TARDBP: variants seen among roughly 807,000 people sequenced by gnomAD.
TARDBP encodes the protein TAR DNA binding protein.
Under a neutral mutation model 38.3 loss-of-function variants are expected in TARDBP, and 4 were observed. That is an observed-to-expected ratio of 0.10 (90% CI 0.05 to 0.24). The LOEUF (loss-of-function observed/expected upper bound fraction) is 0.24. TARDBP is among the 10% of genes least tolerant of loss of function. The probability of loss-of-function intolerance (pLI) is 1.00; values close to 1 mark genes in which losing one functional copy is unlikely to be tolerated. For missense variants in TARDBP, 202 were observed against 521.9 expected (o/e 0.39, Z 5.97); for synonymous variants, 184 against 183.8 (o/e 1.00, Z -0.01).
chr1:11,018,341 A>AAT (rs138627759), intron 3 of TARDBP: 5 of 288,050 alleles, frequency 1.7e-5, no homozygotes, highest in Admixed American at 9.8e-5. Context: ...GGTGCATGCC[A>AAT]CTACACCTGG....
At chr1:11,029,305 T>G (rs1475608378), downstream of TARDBP, among the ~76,000 whole-genome samples, 1 of 151,060 alleles carries the variant, frequency 6.6e-6, no homozygotes. Context: ...TGGCCCTGAT[T>G]TGTTTTTTTA....
intron 2 of TARDBP, 146 bp downstream of exon 2, chr1:11,014,111 C>T: frequency 1.2e-6 from 1 of 836,136 alleles, no homozygotes; most frequent in East Asian, 2.4e-5. Flanking sequence ...GTTTGGAAGA[C>T]CACGAGTCTA....
rs1643686639 is a variant in TARDBP, at chr1:11,023,959, T to C, written c.*1305T>C. ...GTTAGCTACCCATAAGAATGCTGTTTGCTGCAGTTCTGTGTCCTGTGCTTG... is the reference window on the plus strand; with the variant it reads ...GTTAGCTACCCATAAGAATGCTGTTCGCTGCAGTTCTGTGTCCTGTGCTTG... On this transcript the variant is annotated 3_prime_UTR_variant, in exon 6 of 6. Coordinates refer to ENST00000240185, the MANE Select transcript of TARDBP (RefSeq NM_007375.4). 1 of 152,682 alleles carries C rather than the reference T, an allele frequency of 6.5e-6. No homozygotes were observed. The highest frequency in any genetic ancestry group is 1.5e-5 in the Non-Finnish European group (1 of 68,056). The allele number at this position is 152,682 out of a possible 1,614,324, so 9.5% of individuals were successfully genotyped here. A position where few individuals can be genotyped will look rare whatever the true frequency, so the allele number is the denominator to read the frequency against.
At chr1:11,018,546 CTGT>C (rs1345405186) in intron 3 of TARDBP, 184 bp from the exon 4 acceptor site, 24 of 748,840 alleles carry the variant, frequency 3.2e-5, no homozygotes, top group South Asian at 8.6e-5. Context: ...GAGTTTTGCT[CTGT>C]TGTTAACACA....
At chr1:11,019,060 T>A in intron 4 of TARDBP, 187 bp downstream of exon 4, 1 of 731,816 alleles carries the variant, frequency 1.4e-6, no homozygotes. Flanking sequence ...TTTAGTTTAT[T>A]ACTTCTCCAA....
downstream of TARDBP, chr1:11,027,566 G>A: frequency 2.5e-6 from 4 of 1,614,156 alleles, no homozygotes; most frequent in Non-Finnish European, 3.4e-6. Context: ...CTAATATCAG[G>A]ACTTGCCAAG....
chr1:11,016,337 G>A lies in TARDBP; in HGVS notation c.239-507G>A, dbSNP rs141560190. ...TCTGTTGCCCAGGCATATTGCAGTG[G>A]CTATTCATAGGCACACTGCAGCCTC... is the stretch of plus-strand genomic sequence containing the variant. On this transcript the variant is annotated intron_variant, in intron 2 of 5. Coordinates refer to ENST00000240185, the MANE Select transcript of TARDBP (RefSeq NM_007375.4). 2.2e-3 allele frequency: 358 copies of A among 160,354 alleles called. 1 individual carries two copies. The highest frequency in any genetic ancestry group is 4.1e-3 in the Non-Finnish European group (301 of 72,900). The allele number at this position is 160,354 out of a possible 1,614,324, so 9.9% of individuals were successfully genotyped here.
At position 11,020,414 on chromosome 1, in the gene TARDBP, T is replaced by C. The variant is rs753859058; in HGVS notation, c.544-15T>C. 46 of 1,613,986 alleles carry C rather than the reference T, an allele frequency of 2.9e-5. No individual in the cohort carries two copies. Among genetic ancestry groups the C allele is most frequent in the Admixed American group, 5.0e-5 (3 of 59,988 alleles). On this transcript the variant is annotated splice_polypyrimidine_tract_variant and intron_variant, in intron 4 of 5. Coordinates refer to ENST00000240185, the MANE Select transcript of TARDBP (RefSeq NM_007375.4). ...ACATATTTCTGAGTTTTTTTCTTCC[T>C]TTTGATTTGATCAGCAAAGCCAAGA...
rs778322559 is a variant in TARDBP at position 11,016,867 on chromosome 1, A to G, written c.262A>G (p.Thr88Ala). The stretch of plus-strand genomic sequence containing the variant: ...AGATAACAAAAGAAAAATGGATGAG[A>G]CAGATGCTTCATCAGCAGTGAAAGT... ...PKDNKRKMDE[T>A]DASSAVKVKR... is the part of the protein sequence containing the mutation. The change falls in exon 3 of 6, where the codon ACA (threonine) becomes GCA (alanine). Residue 88 changes from threonine to alanine, a missense_variant. Thr to Ala is a moderately conservative substitution (Grantham distance 58). This residue lies in a region of TARDBP where 71 missense variants were observed against 185.4 expected (regional missense o/e 0.38). Coordinates refer to ENST00000240185, the MANE Select transcript of TARDBP (RefSeq NM_007375.4). 3 of 1,614,184 alleles carry G rather than the reference A, an allele frequency of 1.9e-6. No homozygotes were observed. In the South Asian group the frequency reaches 3.3e-5, roughly 18 times the overall value.
chr1:11,028,112 C>A (rs1347528740), downstream of TARDBP, among the ~76,000 whole-genome samples: 4 of 151,928 alleles, frequency 2.6e-5, no homozygotes, highest in Non-Finnish European at 4.4e-5. Context: ...ATCCCAGCCA[C>A]TTGGGAGGCT....
At chr1:11,017,081 T>C (rs992144906) in intron 3 of TARDBP, 74 bp downstream of exon 3, 2 of 1,514,852 alleles carry the variant, frequency 1.3e-6, no homozygotes, top group Non-Finnish European at 1.8e-6. Flanking sequence ...TTGGTATAAA[T>C]AGAGATGGGG....
rs140750299 is a variant in TARDBP, at chr1:11,014,666, C to T, written c.238+701C>T. 1.1e-3 allele frequency among the ~76,000 whole-genome samples: 167 copies of T among 152,252 alleles called. 1 individual carries two copies. Among genetic ancestry groups the T allele is most frequent in the African/African-American group, 3.8e-3 (156 of 41,536 alleles). On this transcript the variant is annotated intron_variant, in intron 2 of 5. Coordinates refer to ENST00000240185, the MANE Select transcript of TARDBP (RefSeq NM_007375.4). ...TCTAGGAAAACTTTAGGGCTAGGCACGGTGACTCATGCCTGTAATCCCAGC... is the reference window on the plus strand; with the variant it reads ...TCTAGGAAAACTTTAGGGCTAGGCATGGTGACTCATGCCTGTAATCCCAGC...
chr1:11,013,703 C>G lies in TARDBP; in HGVS notation c.-12-13C>G. 3 of 1,575,586 alleles carry G rather than the reference C, an allele frequency of 1.9e-6. No individual in the cohort carries two copies. The highest frequency in any genetic ancestry group is 2.6e-6 in the Non-Finnish European group (3 of 1,153,462). On this transcript the variant is annotated splice_polypyrimidine_tract_variant and intron_variant, in intron 1 of 5. Coordinates refer to ENST00000240185, the MANE Select transcript of TARDBP (RefSeq NM_007375.4). ...ACATGAATGTTGTTCATTCATATCT[C>G]TTTTCTCTTTAGGAAAAGTAAAAGA... is the stretch of plus-strand genomic sequence containing the variant.
chr1:11,017,096 A>G (rs1643538380), intron 3 of TARDBP, 89 bp downstream of exon 3: 1 of 1,417,064 alleles, frequency 7.1e-7, no homozygotes, highest in East Asian at 2.3e-5. Context: ...ATGGGGTATC[A>G]CTATGTTCCC....
At chr1:11,030,129 C>T (rs750792086), downstream of TARDBP, 5 of 1,399,272 alleles carry the variant, frequency 3.6e-6, no homozygotes, top group Admixed American at 1.8e-5. Context: ...CCTACCCAGT[C>T]CTCCTTTCCA....
Position 11,016,908 on chromosome 1 carries a change from G to A in TARDBP, c.303G>A (p.Gln101=). ...SSAVKVKRAV[Q]KTSDLIVLGL... is the part of the protein sequence containing the mutation. ...CAGTGAAAGTGAAAAGAGCAGTCCA[G>A]AAAACATCCGATTTAATAGTGTTGG... Residue 101 remains glutamine, a synonymous_variant, in exon 3 of 6, where the codon CAG becomes CAA. Coordinates refer to ENST00000240185, the MANE Select transcript of TARDBP (RefSeq NM_007375.4). 6.2e-7 allele frequency: 1 copy of A among 1,614,212 alleles called. No individual in the cohort carries two copies. The highest frequency in any genetic ancestry group is 8.5e-7 in the Non-Finnish European group (1 of 1,180,042).
At chr1:11,029,357 C>T (rs541690716), downstream of TARDBP, among the ~76,000 whole-genome samples, 196 of 150,572 alleles carry the variant, frequency 1.3e-3, 2 homozygotes, top group African/African-American at 4.5e-3. Context: ...GCCGAGATTG[C>T]GCCACTGCAC....
rs780132467 is a variant in TARDBP at position 11,018,883 on chromosome 1, T to C, written c.543+10T>C. 1 of 1,614,024 alleles carries C rather than the reference T, an allele frequency of 6.2e-7. No homozygotes were observed. The highest frequency in any genetic ancestry group is 8.5e-7 in the Non-Finnish European group (1 of 1,180,022). ...ACTTCCTAATTCTAAGGTACTTGCG[T>C]CTGTGCTTTGGGAATTTTTGCCAAC... On this transcript the variant is annotated intron_variant, in intron 4 of 5. Coordinates refer to ENST00000240185, the MANE Select transcript of TARDBP (RefSeq NM_007375.4).
At position 11,024,119 on chromosome 1, in the gene TARDBP, T is replaced by C. The variant is rs1264532773; in HGVS notation, c.*1465T>C. ...TTCCCCTTTTTTGACCCTTTTGAGATGGAACTTTCATAAAGTTTCTTGGCA... is the reference window on the plus strand; with the variant it reads ...TTCCCCTTTTTTGACCCTTTTGAGACGGAACTTTCATAAAGTTTCTTGGCA... On this transcript the variant is annotated 3_prime_UTR_variant, in exon 6 of 6. Coordinates refer to ENST00000240185, the MANE Select transcript of TARDBP (RefSeq NM_007375.4). The C allele has an allele frequency of 6.6e-6, 1 of 152,626 alleles. No individual in the cohort carries two copies. The highest frequency in any genetic ancestry group is 1.9e-4 in the East Asian group (1 of 5,202). 9.5% of individuals were successfully genotyped at this position (152,626 alleles called of 1,614,324 possible).
Sources: allele counts gnomAD v4.1 joint callset (sites outside exome capture counted in the v4.1 genomes callset), GRCh38; gene constraint gnomAD v4.1.1; regional missense constraint gnomAD v4.1.1; transcripts MANE v1.5; gene names NCBI Gene and HGNC (gene_info 2026-07-23, HGNC 2026-07-21).